GALNT13: variants seen among roughly 807,000 people sequenced by gnomAD.
The protein encoded by GALNT13 is UDP-GalNAc:polypeptide N-acetylgalactosaminyltransferase 13.
Under a neutral mutation model 64.2 loss-of-function variants are expected in GALNT13, and 28 were observed. The observed-to-expected ratio is 0.44, with a 90% confidence interval of 0.32 to 0.60. GALNT13 has a LOEUF of 0.60. Ranked by LOEUF, GALNT13 falls within the 20% of genes least tolerant of loss-of-function variation. The pLI, the probability that GALNT13 is intolerant of heterozygous loss-of-function variation, is 0.05. For missense variants in GALNT13, 577 were observed against 669.8 expected, an observed-to-expected ratio of 0.86 and a Z score of 1.53; for synonymous variants, 214 against 224.6, an observed-to-expected ratio of 0.95 and a Z score of 0.42.
At chr2:153,251,390 G>C in the GALNT13 span, among the ~76,000 whole-genome samples, 1 of 151,956 alleles carries the variant, frequency 6.6e-6, no homozygotes, top group Non-Finnish European at 1.5e-5. Context: ...GACAATTGTC[G>C]TCTTGTTTTG....
chr2:153,976,727 A>G (rs960683510), intron 3 of GALNT13, among the ~76,000 whole-genome samples: 2 of 152,128 alleles, frequency 1.3e-5, no homozygotes, highest in African/African-American at 4.8e-5. Flanking sequence ...GTTACTTATA[A>G]TAAGTAACAT....
chr2:153,679,566 A>G, the GALNT13 span, among the ~76,000 whole-genome samples: 92 of 152,034 alleles, frequency 6.1e-4, no homozygotes, highest in Non-Finnish European at 1.1e-3. Context: ...GTCCAATTAT[A>G]GTCCTGTTAA....
intron 9 of GALNT13, among the ~76,000 whole-genome samples, chr2:154,315,981 A>G (rs1371553813): frequency 3.3e-5 from 5 of 152,100 alleles, no homozygotes; most frequent in African/African-American, 7.2e-5. Context: ...CCAGCTACTC[A>G]GAAGGCTGAG....
At chr2:153,529,515 C>G in the GALNT13 span, among the ~76,000 whole-genome samples, 1 of 151,928 alleles carries the variant, frequency 6.6e-6, no homozygotes, top group African/African-American at 2.4e-5. Context: ...CCTACTCAAA[C>G]TGCTCCAAAA....
chr2:153,978,330 C>T (rs1329170733), intron 3 of GALNT13, among the ~76,000 whole-genome samples: 1 of 152,174 alleles, frequency 6.6e-6, no homozygotes, highest in African/African-American at 2.4e-5. Context: ...TCTCTACTTG[C>T]ATTCAGCCTG....
At position 154,355,222 on chromosome 2, in the gene GALNT13, G is replaced by T. The variant is rs142844309; in HGVS notation, c.1157-40769G>T. Among the ~76,000 whole-genome samples the T allele has an allele frequency of 6.6e-5, 10 of 152,142 alleles. No homozygotes were observed. The East Asian group carries it at 1.9e-3, about 29-fold the overall frequency. On this transcript the variant is annotated intron_variant, in intron 9 of 12. Transcript: ENST00000392825. ...CATACCTGACCAAGTACTTTTGGAT[G>T]TGCCATCTCATTTAATTTTTGCAGT... is the stretch of plus-strand genomic sequence containing the variant.
the GALNT13 span, among the ~76,000 whole-genome samples, chr2:153,547,922 T>C: frequency 5.6e-4 from 85 of 152,330 alleles, 1 homozygote; most frequent in East Asian, 0.014. Flanking sequence ...CAAAAAGTAC[T>C]TGATTGCTGT....
At chr2:154,135,645 A>G (rs749836668) in intron 3 of GALNT13, among the ~76,000 whole-genome samples, 2 of 152,168 alleles carry the variant, frequency 1.3e-5, no homozygotes, top group Non-Finnish European at 2.9e-5. Flanking sequence ...GCAAGTATAT[A>G]CTGAATCCCC....
intron 9 of GALNT13, among the ~76,000 whole-genome samples, chr2:154,334,040 T>G (rs1219270314): frequency 1.3e-5 from 2 of 151,776 alleles, no homozygotes; most frequent in Non-Finnish European, 2.9e-5. Context: ...TCGTTTATAT[T>G]CCTTTTGAAC....
the GALNT13 span, among the ~76,000 whole-genome samples, chr2:153,232,228 A>C: frequency 6.6e-6 from 1 of 152,226 alleles, no homozygotes; most frequent in Non-Finnish European, 1.5e-5. Flanking sequence ...CATGCATAGC[A>C]CTGAGAATGG....
At chr2:154,326,619 G>T (rs369875377) in intron 9 of GALNT13, among the ~76,000 whole-genome samples, 1 of 151,836 alleles carries the variant, frequency 6.6e-6, no homozygotes. Flanking sequence ...CAATTTTTCC[G>T]TTCCTTTGGA....
At chr2:153,415,259 T>G in the GALNT13 span, among the ~76,000 whole-genome samples, 185 of 152,246 alleles carry the variant, frequency 1.2e-3, 1 homozygote, top group African/African-American at 4.2e-3. Context: ...CTCCACCATG[T>G]AAAGGATGCC....
At chr2:153,444,369 G>T in the GALNT13 span, among the ~76,000 whole-genome samples, 1 of 152,124 alleles carries the variant, frequency 6.6e-6, no homozygotes, top group Non-Finnish European at 1.5e-5. Context: ...GTGAATGAAT[G>T]AATAAATGAA....
At chr2:153,796,729 T>G in the GALNT13 span, among the ~76,000 whole-genome samples, 1 of 152,196 alleles carries the variant, frequency 6.6e-6, no homozygotes, top group African/African-American at 2.4e-5. Context: ...CATAGAAGTT[T>G]GTGTAGCATC....
the GALNT13 span, among the ~76,000 whole-genome samples, chr2:153,277,312 T>G: frequency 2.6e-5 from 4 of 152,208 alleles, no homozygotes; most frequent in Admixed American, 2.6e-4. Flanking sequence ...TGTATTTGCT[T>G]TTCAGTTCCT....
intron 4 of GALNT13, among the ~76,000 whole-genome samples, chr2:154,188,565 A>G (rs1686390482): frequency 6.6e-6 from 1 of 152,196 alleles, no homozygotes; most frequent in Non-Finnish European, 1.5e-5. Context: ...ATTAATTAGT[A>G]TTTATTAATG....
the GALNT13 span, among the ~76,000 whole-genome samples, chr2:153,801,969 A>T: frequency 6.6e-6 from 1 of 152,160 alleles, no homozygotes; most frequent in Admixed American, 6.5e-5. Context: ...TTTCTCATTA[A>T]TATTCTCAAG....
the GALNT13 span, among the ~76,000 whole-genome samples, chr2:153,506,685 G>T: frequency 2.0e-5 from 3 of 152,222 alleles, no homozygotes; most frequent in Admixed American, 6.5e-5. Context: ...CTTCTAGCTT[G>T]TAGGGTTTCT....
At chr2:153,267,855 T>G in the GALNT13 span, among the ~76,000 whole-genome samples, 2 of 152,200 alleles carry the variant, frequency 1.3e-5, no homozygotes, top group African/African-American at 2.4e-5. Context: ...CTTTTAGACT[T>G]GCCTCTTTTT....
Sources: gnomAD v4.1 joint callset for allele counts (sites outside exome capture counted in the v4.1 genomes callset) on GRCh38, gnomAD v4.1.1 for gene constraint, MANE v1.5 for transcripts, NCBI Gene and HGNC (gene_info 2026-07-23, HGNC 2026-07-21) for gene names.